The following ALDH7A1 variants were observed in gnomAD, a reference collection of about 807,000 sequenced individuals.
ALDH7A1 encodes the protein alpha-aminoadipic semialdehyde dehydrogenase.
Under a neutral mutation model 79.9 loss-of-function variants are expected in ALDH7A1, and 63 were observed. That is an observed-to-expected ratio of 0.79 (90% CI 0.64 to 0.97). ALDH7A1 has a LOEUF of 0.97. Among genes scored for constraint, ALDH7A1 ranks in the 50% least tolerant of loss-of-function variants. ALDH7A1 has a pLI of 0.00. For missense variants in ALDH7A1, 627 were observed against 665.2 expected (o/e 0.94, Z 0.63); for synonymous variants, 240 against 231.2 (o/e 1.04, Z -0.34).
chr5:126,591,244 A>G (rs1229939854), intron 3 of ALDH7A1, among the ~76,000 whole-genome samples: 1 of 152,150 alleles, frequency 6.6e-6, no homozygotes, highest in Non-Finnish European at 1.5e-5. Context: ...TACCTAGCAC[A>G]CTGTTTACTT....
chr5:126,583,618 C>T (rs1751248481), intron 4 of ALDH7A1, among the ~76,000 whole-genome samples: 1 of 151,924 alleles, frequency 6.6e-6, no homozygotes. Flanking sequence ...GGCAGGATCA[C>T]CTGAGGTTAG....
intron 9 of ALDH7A1, among the ~76,000 whole-genome samples, chr5:126,564,142 T>C (rs1750492189): frequency 6.6e-6 from 1 of 152,126 alleles, no homozygotes; most frequent in South Asian, 2.1e-4. Context: ...GAGATGTGTT[T>C]GCCTCAATTT....
At chr5:126,582,431 A>G (rs537587676) in intron 5 of ALDH7A1, among the ~76,000 whole-genome samples, 2 of 152,320 alleles carry the variant, frequency 1.3e-5, no homozygotes, top group East Asian at 3.9e-4. Flanking sequence ...AAATTGGCTT[A>G]GATTTTTTCC....
At chr5:126,584,225 A>T in intron 3 of ALDH7A1, 1 of 542,034 alleles carries the variant, frequency 1.8e-6, no homozygotes, top group Non-Finnish European at 3.3e-6. Flanking sequence ...AGAGGAGAAG[A>T]AAAGGCAACA....
At chr5:126,594,438 ATTTTTTT>A (rs34684581) in intron 1 of ALDH7A1, 316 of 185,648 alleles carry the variant, frequency 1.7e-3, no homozygotes, top group Non-Finnish European at 1.8e-3. Context: ...TAAGGTTTTA[ATTTTTTT>A]TTTTTTTTTT....
intron 3 of ALDH7A1, chr5:126,587,232 T>C (rs1751385288): frequency 6.6e-6 from 1 of 152,140 alleles, no homozygotes; most frequent in Non-Finnish European, 1.5e-5. Flanking sequence ...AACTGGCTCA[T>C]GGAAGAAAGC....
chr5:126,556,098 G>A, intron 11 of ALDH7A1, 83 bp from the exon 12 acceptor site: 1 of 844,954 alleles, frequency 1.2e-6, no homozygotes, highest in Admixed American at 1.9e-5. Context: ...GATAGTTACT[G>A]AAATACTGTA....
chr5:126,578,355 AC>A (rs1561664710), intron 5 of ALDH7A1, among the ~76,000 whole-genome samples: 1 of 152,136 alleles, frequency 6.6e-6, no homozygotes, highest in African/African-American at 2.4e-5. Context: ...AACTAAAAAT[AC>A]AAATCAGCTA....
chr5:126,577,018 A>T, intron 6 of ALDH7A1, 61 bp downstream of exon 6: 1 of 1,607,520 alleles, frequency 6.2e-7, no homozygotes, highest in Non-Finnish European at 8.5e-7. Context: ...CTGAGGTAGT[A>T]GTATCTAGAA....
At chr5:126,554,462 C>G (rs1750110807) in intron 12 of ALDH7A1, 69 bp from the exon 13 acceptor site, 2 of 1,257,482 alleles carry the variant, frequency 1.6e-6, no homozygotes, top group Non-Finnish European at 2.3e-6. Context: ...ATTAGAACAG[C>G]TTTCTCAATG....
intron 14 of ALDH7A1, 25 bp from the exon 15 acceptor site, chr5:126,550,318 G>A: frequency 6.5e-7 from 1 of 1,546,666 alleles, no homozygotes; most frequent in Non-Finnish European, 8.9e-7. Flanking sequence ...ATTGGAAGCT[G>A]TAAGATGTTA....
chr5:126,542,483 G>A lies in ALDH7A1; in HGVS notation c.*2482C>T, dbSNP rs969763101. ...GTTCAAGACGAGCATGAGCAATGTA[G>A]TATGACCCAATCTTTACAAAAAAAA... On this transcript the variant is annotated 3_prime_UTR_variant, in exon 18 of 18. Coordinates refer to ENST00000409134, the MANE Select transcript of ALDH7A1 (RefSeq NM_001182.5). The A allele has an allele frequency of 6.6e-6, 1 of 152,092 alleles. No individual in the cohort carries two copies. Among genetic ancestry groups the A allele is most frequent in the African/African-American group, 2.4e-5 (1 of 41,372 alleles). The allele number at this position is 152,092 out of a possible 1,614,324, so 9.4% of individuals were successfully genotyped here. A position where few individuals can be genotyped will look rare whatever the true frequency, so the allele number is the denominator to read the frequency against.
chr5:126,569,635 T>A (rs1341269368), intron 8 of ALDH7A1: 1 of 152,186 alleles, frequency 6.6e-6, no homozygotes, highest in African/African-American at 2.4e-5. Flanking sequence ...ACCATAATTA[T>A]CTGAGCTATT....
intron 16 of ALDH7A1, among the ~76,000 whole-genome samples, chr5:126,548,227 A>G (rs1284909837): frequency 6.6e-6 from 1 of 151,998 alleles, no homozygotes; most frequent in Non-Finnish European, 1.5e-5. Context: ...ATGGCTTACT[A>G]CAGCCTCAAA....
intron 16 of ALDH7A1, chr5:126,549,505 A>G (rs973021938): frequency 5.0e-5 from 9 of 180,256 alleles, no homozygotes; most frequent in Non-Finnish European, 9.4e-5. Flanking sequence ...AGCAGGGCCC[A>G]GTGAAAAGAA....
At chr5:126,583,434 T>C (rs1040125092) in intron 4 of ALDH7A1, among the ~76,000 whole-genome samples, 2 of 151,570 alleles carry the variant, frequency 1.3e-5, no homozygotes, top group African/African-American at 2.4e-5. Flanking sequence ...TGAGCCAAGA[T>C]CCTGCCATTG....
In ALDH7A1 at chr5:126,554,136, T is replaced by C. The variant is rs554996247; in HGVS notation, c.1200+151A>G. 2.1e-4 allele frequency: 130 copies of C among 625,860 alleles called. 1 individual carries two copies. Among genetic ancestry groups the C allele is most frequent in the Non-Finnish European group, 3.2e-4 (116 of 360,730 alleles). 38.8% of individuals were successfully genotyped at this position (625,860 alleles called of 1,614,324 possible). A position where few individuals can be genotyped will look rare whatever the true frequency, so the allele number is the denominator to read the frequency against. On this transcript the variant is annotated intron_variant, in intron 13 of 17. Coordinates refer to ENST00000409134, the MANE Select transcript of ALDH7A1 (RefSeq NM_001182.5). Reference sequence around the variant, plus strand: ...ACAGACAAACAAACAAAAACATGTGTTTCCTTGTTTTATAATAATATATAT... The same window carrying C: ...ACAGACAAACAAACAAAAACATGTGCTTCCTTGTTTTATAATAATATATAT...
intron 3 of ALDH7A1, chr5:126,588,665 T>C (rs1171114158): frequency 1.3e-5 from 2 of 152,176 alleles, no homozygotes; most frequent in Non-Finnish European, 2.9e-5. Context: ...GTAAATTGTG[T>C]ACTTTAGTTT....
chr5:126,569,890 CTT>C (rs1180914305), intron 8 of ALDH7A1: 10 of 152,182 alleles, frequency 6.6e-5, no homozygotes, highest in Admixed American at 5.2e-4. Flanking sequence ...GAAACTAACA[CTT>C]TAGCCACACC....
Sources: gnomAD v4.1 joint callset for allele counts (sites outside exome capture counted in the v4.1 genomes callset) on GRCh38, gnomAD v4.1.1 for gene constraint, MANE v1.5 for transcripts, NCBI Gene and HGNC (gene_info 2026-07-23, HGNC 2026-07-21) for gene names.